The following SETX variants were observed in gnomAD, a reference collection of about 807,000 sequenced individuals.
The protein encoded by SETX is senataxin.
SETX carries 90 observed loss-of-function variants against 227.2 expected under a neutral mutation model. The observed-to-expected ratio is 0.40, with a 90% CI of 0.33 to 0.47. The LOEUF is 0.47. Among genes scored for constraint, SETX ranks in the 20% least tolerant of loss-of-function variants. The pLI, the probability that SETX is intolerant of heterozygous loss-of-function variation, is 0.91. For synonymous variants in SETX, 1,210 were observed against 1,113.2 expected, an observed-to-expected ratio of 1.09 and a Z score of -1.73; for missense variants, 3,052 against 3,181.5, an observed-to-expected ratio of 0.96 and a Z score of 0.98.
chr9:132,275,621 A>C (rs148759149), intron 22 of SETX, among the ~76,000 whole-genome samples: 20 of 152,354 alleles, frequency 1.3e-4, no homozygotes, highest in African/African-American at 3.8e-4. Context: ...TGAAAATACT[A>C]TGGTAAATAT....
rs202194897 is a variant in SETX, at chr9:132,350,909, G to GA, written c.-7-1475dup. On this transcript the variant is annotated intron_variant, in intron 2 of 25. Transcript: ENST00000224140. Reference sequence around the variant, plus strand: ...ACACAGTTCTCATCGACGTGGGGGGGAAAAAGAGTATGCAGTGATAGCCGC... The same window carrying GA: ...ACACAGTTCTCATCGACGTGGGGGGGAAAAAAGAGTATGCAGTGATAGCCGC... 2.9e-3 allele frequency among the ~76,000 whole-genome samples: 435 copies of GA among 152,256 alleles called. 2 individuals carry two copies. The highest frequency in any genetic ancestry group is 9.9e-3 in the African/African-American group (410 of 41,538).
rs773773608 is a variant in SETX at position 132,328,071 on chromosome 9, G to A, written c.3527C>T (p.Pro1176Leu). 3.7e-6 allele frequency: 6 copies of A among 1,614,088 alleles called. No individual in the cohort carries two copies. Among genetic ancestry groups the A allele is most frequent in the Non-Finnish European group, 8.5e-7 (1 of 1,180,010 alleles). The change falls in exon 10 of 26, where the codon CCT (proline) becomes CTT (leucine). Residue 1176 changes from proline (P) to leucine (L), a missense_variant. By Grantham distance (98) the Pro-to-Leu change is moderately conservative (BLOSUM62 -3). Coordinates refer to ENST00000224140, the MANE Select transcript of SETX (RefSeq NM_015046.7). ...GCCCTCATTTCTGACAGAAGATGAA[G>A]GCCTCACAGGATCTTCAGCCATTGG... ...EKPMAEDPVR[P>L]SSSVRNEGQS...
rs988994882 is a variant in SETX at position 132,265,122 on chromosome 9, G to A, written c.7288-137C>T. On this transcript the variant is annotated intron_variant, in intron 25 of 25. Transcript: ENST00000224140. ...TATTCTCAAGATTCATTACTCGTCA[G>A]ACAAGGATGAAAGGAAAAAATAAAT... The A allele has an allele frequency of 1.3e-5, 14 of 1,056,932 alleles. No homozygotes were observed. In the African/African-American group the frequency reaches 1.8e-4, roughly 14 times the overall value. The allele number at this position is 1,056,932 out of a possible 1,614,324, so 65.5% of individuals were successfully genotyped here. A position where few individuals can be genotyped will look rare whatever the true frequency, so the allele number is the denominator to read the frequency against.
At chr9:132,265,931 G>A (rs1228083173) in intron 25 of SETX, among the ~76,000 whole-genome samples, 5 of 152,062 alleles carry the variant, frequency 3.3e-5, no homozygotes, top group Admixed American at 6.5e-5. Flanking sequence ...TTCATCCACC[G>A]AGATCTCAAG....
intron 7 of SETX, among the ~76,000 whole-genome samples, chr9:132,334,279 C>G (rs995577196): frequency 6.6e-5 from 10 of 152,152 alleles, no homozygotes; most frequent in African/African-American, 2.4e-4. Flanking sequence ...AACCCCGTCT[C>G]TACTAAAAAT....
intron 16 of SETX, 24 bp downstream of exon 16, chr9:132,288,526 G>C (rs1406245635): frequency 1.3e-6 from 2 of 1,556,370 alleles, no homozygotes; most frequent in African/African-American, 2.7e-5. Context: ...GAAAACACTA[G>C]TATATACCAC....
Position 132,301,670 on chromosome 9 carries a change from G to A in SETX, c.5375-867C>T, listed in dbSNP as rs192383606. On this transcript the variant is annotated intron_variant, in intron 11 of 25. Coordinates refer to ENST00000224140, the MANE Select transcript of SETX (RefSeq NM_015046.7). ...GACTAGGTGTGTGGTAGGCTACACCGCCTAGGTTCCTCTAAGTACACTCTT... is the reference window on the plus strand; with the variant it reads ...GACTAGGTGTGTGGTAGGCTACACCACCTAGGTTCCTCTAAGTACACTCTT... 1.8e-3 allele frequency among the ~76,000 whole-genome samples: 269 copies of A among 152,252 alleles called. 1 individual carries two copies. In the Middle Eastern group the frequency reaches 0.02, roughly 12 times the overall value.
At position 132,281,306 on chromosome 9, in the gene SETX, G is replaced by A. The variant is rs559530459; in HGVS notation, c.6654+161C>T. On this transcript the variant is annotated intron_variant, in intron 20 of 25. Transcript: ENST00000224140. ...ACTATGACCAAATGGACATTTTTAGGCATTTTTTAAAATTTATTAAGTGCT... is the reference window on the plus strand; with the variant it reads ...ACTATGACCAAATGGACATTTTTAGACATTTTTTAAAATTTATTAAGTGCT... Among the ~76,000 whole-genome samples, 21 of 152,136 alleles carry A rather than the reference G, an allele frequency of 1.4e-4. No individual in the cohort carries two copies. The South Asian group carries it at 3.9e-3, about 29-fold the overall frequency.
chr9:132,269,744 T>C, intron 24 of SETX, 42 bp from the exon 25 acceptor site: 1 of 1,588,432 alleles, frequency 6.3e-7, no homozygotes, highest in South Asian at 1.1e-5. Context: ...CTAGAATGAC[T>C]TAACATGCCC....
At chr9:132,349,869 C>T (rs1252738791) in intron 2 of SETX, among the ~76,000 whole-genome samples, 1 of 152,174 alleles carries the variant, frequency 6.6e-6, no homozygotes, top group Admixed American at 6.5e-5. Context: ...TGATGTCACC[C>T]TCAAAGAGAT....
chr9:132,270,700 A>G (rs1280100914), intron 24 of SETX, among the ~76,000 whole-genome samples: 2 of 152,238 alleles, frequency 1.3e-5, no homozygotes, highest in Non-Finnish European at 1.5e-5. Context: ...AAAATGTGGT[A>G]CCAGCCTAAT....
At position 132,263,732 on chromosome 9, in the gene SETX, C is replaced by CT. The variant is rs1368651664; in HGVS notation, c.*506dup. 3.1e-5 allele frequency: 5 copies of CT among 159,958 alleles called. No homozygotes were observed. Among genetic ancestry groups the CT allele is most frequent in the African/African-American group, 1.2e-4 (5 of 41,330 alleles). The allele number at this position is 159,958 out of a possible 1,614,324, so 9.9% of individuals were successfully genotyped here. ...ACCTGACCCACCAGCACTAACTCAG[C>CT]TTATTCCAAGCTAGGCTGTTAAATA... On this transcript the variant is annotated 3_prime_UTR_variant, in exon 26 of 26. Coordinates refer to ENST00000224140, the MANE Select transcript of SETX (RefSeq NM_015046.7).
chr9:132,270,704 G>A (rs1266211149), intron 24 of SETX, among the ~76,000 whole-genome samples: 1 of 152,144 alleles, frequency 6.6e-6, no homozygotes, highest in African/African-American at 2.4e-5. Context: ...TGTGGTACCA[G>A]CCTAATCACT....
At chr9:132,307,851 G>A (rs1270207005) in intron 11 of SETX, among the ~76,000 whole-genome samples, 3 of 152,026 alleles carry the variant, frequency 2.0e-5, no homozygotes, top group Non-Finnish European at 4.4e-5. Flanking sequence ...GCTGATTTTT[G>A]TATTTGTAGT....
At chr9:132,302,477 T>C (rs538085058) in intron 11 of SETX, among the ~76,000 whole-genome samples, 2 of 147,758 alleles carry the variant, frequency 1.4e-5, no homozygotes, top group South Asian at 4.3e-4. Flanking sequence ...CTGGCCAACA[T>C]GGTGAAACCC....
chr9:132,291,700 C>T lies in SETX; in HGVS notation c.6107-3049G>A, dbSNP rs568445742. Among the ~76,000 whole-genome samples, 24 of 152,276 alleles carry T rather than the reference C, an allele frequency of 1.6e-4. No individual in the cohort carries two copies. In the South Asian group the frequency reaches 5.0e-3, roughly 32 times the overall value. ...TTGTGGCACCCGTAAGGGAGCAAGG[C>T]TGGGCAGTGTCTAGGTGCCTGGGTG... On this transcript the variant is annotated intron_variant, in intron 15 of 25. Coordinates refer to ENST00000224140, the MANE Select transcript of SETX (RefSeq NM_015046.7).
rs569695031 is a variant in SETX at position 132,328,035 on chromosome 9, G to T, written c.3563C>A (p.Thr1188Asn). ...SSVRNEGQSD[T>N]NKRDLVGNDF... ...ATTTCCCACAAGATCTCTCTTATTA[G>T]TATCAGACTGGCCCTCATTTCTGAC... Residue 1188 changes from threonine to asparagine, a missense_variant, in exon 10 of 26, where the codon ACT becomes AAT. This residue lies in a region of SETX where 1,483 missense variants were observed against 1,312.0 expected (regional missense o/e 1.13). Coordinates refer to ENST00000224140, the MANE Select transcript of SETX (RefSeq NM_015046.7). 1.7e-5 allele frequency: 27 copies of T among 1,614,082 alleles called. No homozygotes were observed. The South Asian group carries it at 2.9e-4, about 17-fold the overall frequency.
chr9:132,339,091 ACT>A, intron 5 of SETX, among the ~76,000 whole-genome samples: 1 of 151,426 alleles, frequency 6.6e-6, no homozygotes, highest in Admixed American at 6.6e-5. Flanking sequence ...TAGTATTTTC[ACT>A]CTCTTTATGG....
At chr9:132,317,342 T>G (rs1846031871) in intron 10 of SETX, among the ~76,000 whole-genome samples, 1 of 152,176 alleles carries the variant, frequency 6.6e-6, no homozygotes, top group Admixed American at 6.6e-5. Flanking sequence ...CAGAATCGTG[T>G]CTCCTCCAAT....
Sources: allele counts gnomAD v4.1 joint callset (sites outside exome capture counted in the v4.1 genomes callset), GRCh38; gene constraint gnomAD v4.1.1; regional missense constraint gnomAD v4.1.1; transcripts MANE v1.5; gene names NCBI Gene and HGNC (gene_info 2026-07-23, HGNC 2026-07-21).